Variants in SEMA3A observed in about 807,000 individuals in gnomAD.
SEMA3A encodes the protein semaphorin 3A.
A neutral mutation model predicts 97.9 loss-of-function variants in SEMA3A; 29 were observed. The observed-to-expected ratio is 0.30, with a 90% CI of 0.22 to 0.40. The LOEUF is 0.40. SEMA3A is among the 10% of genes least tolerant of loss of function. The probability of loss-of-function intolerance (pLI) is 1.00; values close to 1 mark genes in which losing one functional copy is unlikely to be tolerated. For missense variants in SEMA3A, 763 were observed against 951.3 expected (o/e 0.80, Z 2.60); for synonymous variants, 321 against 323.7 (o/e 0.99, Z 0.09).
chr7:84,117,892 T>C (rs1795483708), intron 3 of SEMA3A, among the ~76,000 whole-genome samples: 1 of 152,220 alleles, frequency 6.6e-6, no homozygotes, highest in Non-Finnish European at 1.5e-5. Flanking sequence ...AATGATATAT[T>C]CATGTAAATT....
chr7:84,021,329 T>C (rs558508976), intron 6 of SEMA3A, among the ~76,000 whole-genome samples: 1 of 152,324 alleles, frequency 6.6e-6, no homozygotes, highest in East Asian at 1.9e-4. Context: ...TTTTAAAATA[T>C]CTGCATTTTC....
chr7:84,281,452 T>A (rs1800438531), intron 3 of SEMA3A, among the ~76,000 whole-genome samples: 1 of 152,162 alleles, frequency 6.6e-6, no homozygotes, highest in Non-Finnish European at 1.5e-5. Flanking sequence ...AGTTAGTGTG[T>A]TGACAATCAT....
At chr7:84,383,614 G>C (rs748395109) in intron 1 of SEMA3A, among the ~76,000 whole-genome samples, 2 of 152,136 alleles carry the variant, frequency 1.3e-5, no homozygotes, top group African/African-American at 2.4e-5. Context: ...ATTCAAAGGA[G>C]CTATTACTGT....
At chr7:84,327,439 G>C (rs771219787) in intron 2 of SEMA3A, among the ~76,000 whole-genome samples, 3 of 151,732 alleles carry the variant, frequency 2.0e-5, no homozygotes, top group Non-Finnish European at 4.4e-5. Flanking sequence ...AAGCAGGTAG[G>C]CAAAGGTAGT....
chr7:84,057,375 C>A (rs1793027086), intron 5 of SEMA3A, among the ~76,000 whole-genome samples: 1 of 151,684 alleles, frequency 6.6e-6, no homozygotes, highest in Non-Finnish European at 1.5e-5. Context: ...TCACATCTGG[C>A]ATTTATTATT....
intron 1 of SEMA3A, among the ~76,000 whole-genome samples, chr7:84,428,856 T>C (rs1228896): frequency 0.18 from 27,001 of 151,974 alleles, 2,545 homozygotes; most frequent in Middle Eastern, 0.23. Flanking sequence ...CTTTGACTAA[T>C]AGAATGTAAG....
chr7:84,253,114 G>A (rs1039582266), intron 3 of SEMA3A, among the ~76,000 whole-genome samples: 8 of 152,148 alleles, frequency 5.3e-5, no homozygotes, highest in Non-Finnish European at 8.8e-5. Context: ...CTGATCTCAA[G>A]TGATCCACCT....
intron 5 of SEMA3A, among the ~76,000 whole-genome samples, chr7:84,054,258 T>C (rs376955419): frequency 6.6e-6 from 1 of 152,248 alleles, no homozygotes; most frequent in Non-Finnish European, 1.5e-5. Context: ...GAACGTTGGC[T>C]TGCCTTGCTA....
intron 1 of SEMA3A, among the ~76,000 whole-genome samples, chr7:84,375,710 T>A (rs1380250242): frequency 6.6e-6 from 1 of 152,154 alleles, no homozygotes; most frequent in Non-Finnish European, 1.5e-5. Context: ...AATTCTATCT[T>A]CTAGCTATTT....
intron 1 of SEMA3A, among the ~76,000 whole-genome samples, chr7:84,175,125 A>G (rs10229639): frequency 0.085 from 12,900 of 152,154 alleles, 804 homozygotes; most frequent in African/African-American, 0.17. Context: ...TTGGTGTCCA[A>G]CGGACATGGA....
intron 12 of SEMA3A, among the ~76,000 whole-genome samples, chr7:83,992,236 T>C (rs1369029666): frequency 8.2e-4 from 124 of 150,900 alleles, no homozygotes; most frequent in African/African-American, 2.8e-3. Context: ...TTGCTAGCGG[T>C]CTATCAATTT....
intron 1 of SEMA3A, among the ~76,000 whole-genome samples, chr7:84,150,369 G>T (rs927372199): frequency 1.3e-5 from 2 of 152,162 alleles, no homozygotes; most frequent in African/African-American, 4.8e-5. Context: ...GTGGGCGCAG[G>T]TCAGTGGGTG....
chr7:84,061,075 T>G (rs1323991718), intron 4 of SEMA3A, among the ~76,000 whole-genome samples: 1 of 152,196 alleles, frequency 6.6e-6, no homozygotes, highest in Non-Finnish European at 1.5e-5. Context: ...TGCACATCTT[T>G]GGTGGCTACG....
At chr7:83,965,353 A>G (rs1788628846) in intron 15 of SEMA3A, among the ~76,000 whole-genome samples, 1 of 150,642 alleles carries the variant, frequency 6.6e-6, no homozygotes, top group Non-Finnish European at 1.5e-5. Flanking sequence ...CTGGATTTAG[A>G]AACAAACAAC....
intron 3 of SEMA3A, among the ~76,000 whole-genome samples, chr7:84,306,137 T>G (rs953299668): frequency 6.6e-6 from 1 of 151,838 alleles, no homozygotes; most frequent in African/African-American, 2.4e-5. Context: ...ACTTCTTAAA[T>G]CAGTAAATTT....
At chr7:84,454,740 ACT>A (rs1299972623) in intron 1 of SEMA3A, among the ~76,000 whole-genome samples, 1 of 151,760 alleles carries the variant, frequency 6.6e-6, no homozygotes, top group Non-Finnish European at 1.5e-5. Context: ...AAACTATTTG[ACT>A]CTGATTTTTC....
At chr7:84,203,527 T>TATATATATATATA (rs1554345528) in intron 3 of SEMA3A, among the ~76,000 whole-genome samples, 1 of 29,656 alleles carries the variant, frequency 3.4e-5, no homozygotes, top group Non-Finnish European at 7.6e-5. Flanking sequence ...TATATATATA[T>TATATATATATATA]TTTTTTTTTT....
rs1214587398 is a variant in SEMA3A, at chr7:84,014,318, T to C, written c.701A>G (p.Glu234Gly). The C allele has an allele frequency of 6.2e-7, 1 of 1,611,964 alleles. No individual in the cohort carries two copies. ...PKFISAHLIS[E>G]SDNPEDDKVY... ...TTTGTCATCTTCAGGATTGTCACTC[T>C]CTGAGATGAGGTGGGCACTAATGAA... Residue 234 changes from glutamate (E) to glycine (G), a missense_variant, in exon 7 of 17, where the codon GAG (glutamate) becomes GGG (glycine). By Grantham distance (98) the Glu-to-Gly change is moderately conservative. This residue lies in a region of SEMA3A where 678 missense variants were observed against 881.3 expected (regional missense o/e 0.77). Transcript: ENST00000265362.
intron 1 of SEMA3A, among the ~76,000 whole-genome samples, chr7:84,407,936 A>G (rs1804148754): frequency 6.6e-6 from 1 of 152,248 alleles, no homozygotes; most frequent in Non-Finnish European, 1.5e-5. Context: ...AAAACCATAA[A>G]AACCCTAGAA....
Sources: allele counts gnomAD v4.1 joint callset (sites outside exome capture counted in the v4.1 genomes callset), GRCh38; gene constraint gnomAD v4.1.1; regional missense constraint gnomAD v4.1.1; transcripts MANE v1.5; gene names NCBI Gene and HGNC (gene_info 2026-07-23, HGNC 2026-07-21).